SLC30A9: variants seen among roughly 807,000 people sequenced by gnomAD.
SLC30A9 encodes solute carrier family 30 member 9, also known as proton-coupled zinc antiporter SLC30A9, mitochondrial.
SLC30A9 carries 58 observed loss-of-function variants against 87.5 expected under a neutral mutation model. The observed-to-expected ratio is 0.66, with a 90% CI of 0.54 to 0.82. The LOEUF (loss-of-function observed/expected upper bound fraction) is 0.82. Among genes scored for constraint, SLC30A9 ranks in the 40% least tolerant of loss-of-function variants. SLC30A9 has a pLI of 0.00. For synonymous variants in SLC30A9, 234 were observed against 233.0 expected, an observed-to-expected ratio of 1.00 and a Z score of -0.04; for missense variants, 557 against 679.1, an observed-to-expected ratio of 0.82 and a Z score of 2.00.
chr4:42,077,950 A>C (rs990406342), intron 16 of SLC30A9, among the ~76,000 whole-genome samples: 2 of 151,858 alleles, frequency 1.3e-5, no homozygotes, highest in Non-Finnish European at 2.9e-5. Flanking sequence ...TTTTTTTCTT[A>C]AGGGAAAATA....
intron 17 of SLC30A9, among the ~76,000 whole-genome samples, chr4:42,080,403 T>C (rs554054997): frequency 2.0e-5 from 3 of 152,312 alleles, no homozygotes; most frequent in Admixed American, 6.5e-5. Flanking sequence ...AAGAAGTGCA[T>C]AGGGCAGGGT....
At chr4:42,030,075 A>G in intron 6 of SLC30A9, 1 of 863,820 alleles carries the variant, frequency 1.2e-6, no homozygotes, top group South Asian at 1.7e-5. Context: ...ACAGTGAGAA[A>G]GATGGTTTTC....
intron 8 of SLC30A9, among the ~76,000 whole-genome samples, chr4:42,040,818 A>T (rs1334635813): frequency 6.6e-6 from 1 of 150,976 alleles, no homozygotes; most frequent in Non-Finnish European, 1.5e-5. Flanking sequence ...AAAGAAAAAG[A>T]AAAAGGTGGA....
At chr4:42,049,708 A>C (rs2153138477) in intron 9 of SLC30A9, among the ~76,000 whole-genome samples, 1 of 152,348 alleles carries the variant, frequency 6.6e-6, no homozygotes, top group South Asian at 2.1e-4. Context: ...TAACATTGTC[A>C]GTCACTGAGC....
At chr4:42,030,557 C>T (rs1463420553) in intron 6 of SLC30A9, among the ~76,000 whole-genome samples, 1 of 148,302 alleles carries the variant, frequency 6.7e-6, no homozygotes, top group Non-Finnish European at 1.5e-5. Flanking sequence ...TGTAAATATT[C>T]AATGGGAATG....
At chr4:42,045,286 A>G (rs545022130) in intron 8 of SLC30A9, among the ~76,000 whole-genome samples, 21 of 152,288 alleles carry the variant, frequency 1.4e-4, no homozygotes, top group Admixed American at 1.3e-3. Context: ...GGTTTTTTTA[A>G]AAGATTCACA....
At chr4:42,047,294 A>T (rs1387422652) in intron 8 of SLC30A9, among the ~76,000 whole-genome samples, 1 of 152,224 alleles carries the variant, frequency 6.6e-6, no homozygotes, top group Non-Finnish European at 1.5e-5. Context: ...TGAACAGGTA[A>T]TCTATAGAAT....
chr4:42,001,613 T>C lies in SLC30A9; in HGVS notation c.110-3T>C. 1.3e-6 allele frequency: 2 copies of C among 1,567,688 alleles called. No homozygotes were observed. The highest frequency in any genetic ancestry group is 1.7e-6 in the Non-Finnish European group (2 of 1,150,260). On this transcript the variant is annotated splice_polypyrimidine_tract_variant and splice_region_variant and intron_variant, in intron 1 of 17. Transcript: ENST00000264451. Reference sequence around the variant, plus strand: ...ATTAAAGTATATATATTTTTTCTTTTAGAGTGGCAGAATTTAGTGACATTT... The same window carrying C: ...ATTAAAGTATATATATTTTTTCTTTCAGAGTGGCAGAATTTAGTGACATTT...
At chr4:42,067,713 T>C (rs1718138222) in intron 14 of SLC30A9, among the ~76,000 whole-genome samples, 1 of 152,204 alleles carries the variant, frequency 6.6e-6, no homozygotes, top group South Asian at 2.1e-4. Context: ...TTTATCTACA[T>C]AGGTTTTCTT....
intron 8 of SLC30A9, among the ~76,000 whole-genome samples, chr4:42,040,612 A>G (rs537119216): frequency 1.6e-3 from 245 of 152,124 alleles, no homozygotes; most frequent in African/African-American, 5.4e-3. Flanking sequence ...CCTGGCTAAC[A>G]CGGTGAAACC....
At position 42,075,739 on chromosome 4, in the gene SLC30A9, G is replaced by T. The variant is rs747548443; in HGVS notation, c.1501G>T (p.Val501Phe). The change falls in exon 16 of 18, where the codon GTT becomes TTT. Residue 501 changes from valine to phenylalanine, a missense_variant. Coordinates refer to ENST00000264451, the MANE Select transcript of SLC30A9 (RefSeq NM_006345.4). ...KAEVDFDGRV[V>F]TRSYLEKQDF... ...AGAAGTAGATTTTGATGGGCGAGTTGTTACAAGATCATATTTGGAAAAACA... is the reference window on the plus strand; with the variant it reads ...AGAAGTAGATTTTGATGGGCGAGTTTTTACAAGATCATATTTGGAAAAACA... The T allele has an allele frequency of 1.2e-6, 2 of 1,612,510 alleles. No individual in the cohort carries two copies. Among genetic ancestry groups the T allele is most frequent in the Admixed American group, 1.7e-5 (1 of 59,962 alleles).
chr4:42,022,320 C>A (rs542252019), intron 4 of SLC30A9, among the ~76,000 whole-genome samples: 1 of 150,636 alleles, frequency 6.6e-6, no homozygotes, highest in African/African-American at 2.4e-5. Context: ...CTCTGCCTCC[C>A]GGGTTCAAGT....
chr4:42,063,001 T>A lies in SLC30A9; in HGVS notation c.912T>A (p.Asn304Lys), dbSNP rs755323056. The A allele has an allele frequency of 3.1e-6, 5 of 1,612,530 alleles. No homozygotes were observed. The African/African-American group carries it at 6.7e-5, about 22-fold the overall frequency. ...PDPSHPYGFSNMRYISSLISG... is the reference protein window; with the variant it reads ...PDPSHPYGFSKMRYISSLISG... The stretch of plus-strand genomic sequence containing the variant: ...TATTTTTCAGGTACGGATTTTCAAA[T>A]ATGCGCTATATTTCTTCGCTAATTA... The change falls in exon 11 of 18, where the codon AAT becomes AAA. Residue 304 changes from asparagine to lysine, a missense_variant. By Grantham distance (94) the Asn-to-Lys change is moderately conservative. Transcript: ENST00000264451.
intron 2 of SLC30A9, among the ~76,000 whole-genome samples, chr4:42,008,298 C>G (rs1212015088): frequency 2.0e-5 from 3 of 152,196 alleles, no homozygotes; most frequent in Non-Finnish European, 4.4e-5. Flanking sequence ...AGTAGCCACC[C>G]AGTAAGTCTT....
chr4:41,996,454 G>T (rs6828515), intron 1 of SLC30A9, among the ~76,000 whole-genome samples: 7,326 of 152,110 alleles, frequency 0.048, 249 homozygotes, highest in African/African-American at 0.077. Flanking sequence ...ATATCACTCT[G>T]GCCCAGTCGT....
intron 10 of SLC30A9, among the ~76,000 whole-genome samples, chr4:42,061,904 A>G (rs1333569500): frequency 6.8e-6 from 1 of 147,688 alleles, no homozygotes; most frequent in Admixed American, 6.8e-5. Flanking sequence ...CCGTTTCAAA[A>G]AAAAAAAATG....
chr4:42,056,128 A>T (rs1211137526), intron 9 of SLC30A9, among the ~76,000 whole-genome samples: 1 of 152,074 alleles, frequency 6.6e-6, no homozygotes, highest in African/African-American at 2.4e-5. Flanking sequence ...AAAATAGTTG[A>T]CGGTATCTCA....
chr4:42,020,294 A>G lies in SLC30A9; in HGVS notation c.335-122A>G, dbSNP rs1715895182. ...GATAATTTTTTCTCTGATGTCATTC[A>G]GTGAAAAAGATCAGTTTTCTGTGAA... On this transcript the variant is annotated intron_variant, in intron 3 of 17. Coordinates refer to ENST00000264451, the MANE Select transcript of SLC30A9 (RefSeq NM_006345.4). 7 of 546,814 alleles carry G rather than the reference A, an allele frequency of 1.3e-5. No homozygotes were observed. In the Admixed American group the frequency reaches 2.2e-4, roughly 17 times the overall value. 33.9% of individuals were successfully genotyped at this position (546,814 alleles called of 1,614,324 possible). A position where few individuals can be genotyped will look rare whatever the true frequency, so the allele number is the denominator to read the frequency against.
chr4:42,065,481 A>G (rs1354242742), intron 12 of SLC30A9, 132 bp downstream of exon 12: 3 of 628,154 alleles, frequency 4.8e-6, no homozygotes, highest in Non-Finnish European at 8.6e-6. Flanking sequence ...AGCTTTCTCT[A>G]CTTTTAGGGA....
Sources: allele counts gnomAD v4.1 joint callset (sites outside exome capture counted in the v4.1 genomes callset), GRCh38; gene constraint gnomAD v4.1.1; transcripts MANE v1.5; gene names NCBI Gene and HGNC (gene_info 2026-07-23, HGNC 2026-07-21).